The following PTPRD variants were observed in gnomAD, a reference collection of about 807,000 sequenced individuals.
The protein encoded by PTPRD is protein tyrosine phosphatase receptor type D, also known as receptor-type tyrosine-protein phosphatase delta.
A neutral mutation model predicts 214.5 loss-of-function variants in PTPRD; 34 were observed. That is an observed-to-expected ratio of 0.16 (90% CI 0.12 to 0.21). The LOEUF (loss-of-function observed/expected upper bound fraction) is 0.21. Ranked by LOEUF, PTPRD falls within the 10% of genes least tolerant of loss-of-function variation. The pLI, the probability that PTPRD is intolerant of heterozygous loss-of-function variation, is 1.00. For missense variants in PTPRD, 2,545 were observed against 2,398.7 expected (o/e 1.06, Z -1.27); for synonymous variants, 1,128 against 845.7 (o/e 1.33, Z -5.79).
At chr9:10,459,360 T>C (rs758901882) in intron 2 of PTPRD, among the ~76,000 whole-genome samples, 50 of 152,322 alleles carry the variant, frequency 3.3e-4, no homozygotes, top group East Asian at 1.9e-4. Context: ...GCAATAGACA[T>C]ATATGTGCAT....
intron 14 of PTPRD, among the ~76,000 whole-genome samples, chr9:8,601,679 T>A (rs569318878): frequency 2.1e-4 from 32 of 152,310 alleles, no homozygotes; most frequent in African/African-American, 7.7e-4. Flanking sequence ...CACTGTGCTA[T>A]TGGGGTTGGG....
intron 4 of PTPRD, among the ~76,000 whole-genome samples, chr9:10,031,197 A>C (rs953302770): frequency 2.0e-5 from 3 of 152,142 alleles, no homozygotes; most frequent in African/African-American, 7.2e-5. Flanking sequence ...AGCTGAATTT[A>C]AGTGAATTAT....
At chr9:10,462,068 A>C (rs35332010) in intron 2 of PTPRD, among the ~76,000 whole-genome samples, 1,931 of 152,282 alleles carry the variant, frequency 0.013, 25 homozygotes, top group Middle Eastern at 0.071. Context: ...TTTAGGATTA[A>C]CACATTGAGA....
intron 2 of PTPRD, among the ~76,000 whole-genome samples, chr9:10,420,939 T>C (rs994176682): frequency 6.6e-6 from 1 of 151,826 alleles, no homozygotes; most frequent in Non-Finnish European, 1.5e-5. Context: ...CTTTCTTCAC[T>C]GAGGAGGCCA....
At chr9:8,823,160 T>C (rs2097105533) in intron 11 of PTPRD, among the ~76,000 whole-genome samples, 1 of 152,136 alleles carries the variant, frequency 6.6e-6, no homozygotes, top group Admixed American at 6.5e-5. Context: ...ATCCTAGTTT[T>C]CTTCTTACCA....
At chr9:9,997,135 A>C (rs1214236395) in intron 4 of PTPRD, among the ~76,000 whole-genome samples, 2 of 152,222 alleles carry the variant, frequency 1.3e-5, no homozygotes, top group Admixed American at 6.5e-5. Flanking sequence ...CCAAATAGAG[A>C]ATCTCAATAA....
chr9:9,979,452 G>A (rs957583441), intron 4 of PTPRD, among the ~76,000 whole-genome samples: 1 of 151,940 alleles, frequency 6.6e-6, no homozygotes, highest in African/African-American at 2.4e-5. Context: ...GGGAGAATGA[G>A]AGGGAGACAT....
intron 4 of PTPRD, among the ~76,000 whole-genome samples, chr9:9,954,411 A>C (rs1156318866): frequency 6.6e-6 from 1 of 151,356 alleles, no homozygotes; most frequent in Admixed American, 6.6e-5. Context: ...TATTAAGTAT[A>C]CTTATTCTAA....
chr9:9,327,174 T>A (rs1321869665), intron 9 of PTPRD, among the ~76,000 whole-genome samples: 2 of 152,124 alleles, frequency 1.3e-5, no homozygotes, highest in African/African-American at 4.8e-5. Flanking sequence ...AATCACAGAC[T>A]CATTTATATT....
chr9:8,468,122 A>C (rs1006642261), intron 31 of PTPRD, among the ~76,000 whole-genome samples: 1 of 152,026 alleles, frequency 6.6e-6, no homozygotes, highest in African/African-American at 2.4e-5. Flanking sequence ...AGTAATTCAC[A>C]ATAAAATATT....
intron 37 of PTPRD, among the ~76,000 whole-genome samples, chr9:8,377,333 C>G (rs1211812307): frequency 6.6e-6 from 1 of 151,942 alleles, no homozygotes; most frequent in Non-Finnish European, 1.5e-5. Flanking sequence ...CTCAGAGGGT[C>G]ACACACTAAC....
intron 18 of PTPRD, among the ~76,000 whole-genome samples, chr9:8,524,611 A>C (rs1592736474): frequency 6.6e-6 from 1 of 152,318 alleles, no homozygotes; most frequent in East Asian, 1.9e-4. Flanking sequence ...AAAAAAGAGA[A>C]AGAAAAAGAA....
chr9:9,328,788 C>T (rs918522676), intron 9 of PTPRD, among the ~76,000 whole-genome samples: 3 of 151,082 alleles, frequency 2.0e-5, no homozygotes, highest in Non-Finnish European at 4.4e-5. Flanking sequence ...AGGTGCCTAC[C>T]ACCACATCCA....
intron 2 of PTPRD, among the ~76,000 whole-genome samples, chr9:10,554,503 A>T (rs1174398424): frequency 6.6e-6 from 1 of 152,088 alleles, no homozygotes; most frequent in Non-Finnish European, 1.5e-5. Flanking sequence ...ATTGAATATT[A>T]TCCACAGTTT....
chr9:10,214,691 G>T (rs1311306283), intron 3 of PTPRD, among the ~76,000 whole-genome samples: 1 of 152,034 alleles, frequency 6.6e-6, no homozygotes, highest in African/African-American at 2.4e-5. Flanking sequence ...CAATCCTTCA[G>T]TCCAGCATTT....
intron 3 of PTPRD, among the ~76,000 whole-genome samples, chr9:10,251,305 G>T (rs1214010410): frequency 6.6e-6 from 1 of 151,956 alleles, no homozygotes; most frequent in Admixed American, 6.6e-5. Flanking sequence ...TTTTAGACAT[G>T]AATCTCTACC....
At chr9:9,052,002 A>G (rs1168474984) in intron 10 of PTPRD, among the ~76,000 whole-genome samples, 1 of 152,344 alleles carries the variant, frequency 6.6e-6, no homozygotes, top group South Asian at 2.1e-4. Context: ...TGCTATAACA[A>G]AAATACCATA....
intron 5 of PTPRD, among the ~76,000 whole-genome samples, chr9:9,776,154 C>G (rs943437629): frequency 6.6e-6 from 1 of 152,028 alleles, no homozygotes; most frequent in Non-Finnish European, 1.5e-5. Context: ...AAAACTAAAC[C>G]ACTTGCTGTC....
At chr9:9,388,069 T>C (rs2064500026) in intron 9 of PTPRD, among the ~76,000 whole-genome samples, 2 of 152,006 alleles carry the variant, frequency 1.3e-5, no homozygotes, top group South Asian at 2.1e-4. Context: ...GCTTGGGAAA[T>C]TAGTGCAAGG....
Sources: allele counts gnomAD v4.1 joint callset (sites outside exome capture counted in the v4.1 genomes callset), GRCh38; gene constraint gnomAD v4.1.1; transcripts MANE v1.5; gene names NCBI Gene and HGNC (gene_info 2026-07-23, HGNC 2026-07-21).